Variants in XG observed in about 807,000 individuals in gnomAD.
XG encodes the protein glycoprotein Xg.
Under a neutral mutation model 25.7 loss-of-function variants are expected in XG, and 24 were observed. That is an observed-to-expected ratio of 0.93 (90% CI 0.68 to 1.31). The LOEUF (loss-of-function observed/expected upper bound fraction) is 1.31. Among genes scored for constraint, XG ranks in the 40% most tolerant of loss-of-function variants. The pLI is 0.00. For synonymous variants in XG, 77 were observed against 69.2 expected, an observed-to-expected ratio of 1.11 and a Z score of -0.56; for missense variants, 181 against 187.6, an observed-to-expected ratio of 0.96 and a Z score of 0.21.
intron 1 of XG, among the ~76,000 whole-genome samples, chrX:2,759,626 A>T (rs1033432610): frequency 1.3e-5 from 2 of 152,192 alleles, no homozygotes; most frequent in Non-Finnish European, 2.9e-5. Context: ...CCTGAGTGTG[A>T]AGACATCTGG....
intron 1 of XG, among the ~76,000 whole-genome samples, chrX:2,760,830 G>A (rs1017093634): frequency 7.9e-5 from 12 of 151,292 alleles, no homozygotes; most frequent in East Asian, 1.9e-4. Flanking sequence ...ATAAAAAGAC[G>A]AGATGAAGAC....
chrX:2,770,016 TGGAGGG>T (rs1202419013), intron 1 of XG, among the ~76,000 whole-genome samples: 2 of 45,602 alleles, frequency 4.4e-5, no homozygotes, highest in Non-Finnish European at 8.6e-5. Context: ...TGTGCGTGTG[TGGAGGG>T]GTGGGGGGGG....
chrX:2,757,998 GA>G (rs1330082010), intron 1 of XG, among the ~76,000 whole-genome samples: 4 of 133,494 alleles, frequency 3.0e-5, no homozygotes, highest in South Asian at 2.6e-4. Flanking sequence ...AAAAAAAAAG[GA>G]AAAAAAAGTT....
intron 5 of XG, 81 bp from the exon 6 acceptor site, chrX:2,794,454 C>T (rs941892670): frequency 3.7e-5 from 39 of 1,050,071 alleles, no homozygotes; most frequent in Non-Finnish European, 4.9e-5. Flanking sequence ...AAAACCTGTG[C>T]CAGTGCCCCC....
Position 2,778,866 on chromosome X carries a change from C to T in XG, c.128-3200C>T, listed in dbSNP as rs150106022. 7.1e-3 allele frequency among the ~76,000 whole-genome samples: 1,073 copies of T among 151,984 alleles called. 10 individuals are homozygous for T. Among genetic ancestry groups the T allele is most frequent in the African/African-American group, 0.022 (916 of 41,458 alleles). Reference sequence around the variant, plus strand: ...TCACCTCCCCGCAAACTTCTCCTCCCGGGTTCAAGTAATTCTCGTGCCTCA... The same window carrying T: ...TCACCTCCCCGCAAACTTCTCCTCCTGGGTTCAAGTAATTCTCGTGCCTCA... On this transcript the variant is annotated intron_variant, in intron 3 of 10. Transcript: ENST00000644266.
chrX:2,797,432 C>A, intron 7 of XG, 72 bp downstream of exon 7: 1 of 1,117,500 alleles, frequency 8.9e-7, no homozygotes, highest in Non-Finnish European at 1.2e-6. Context: ...CTCCCGCTTG[C>A]ACTCTGCCCT....
intron 1 of XG, among the ~76,000 whole-genome samples, chrX:2,757,267 G>A (rs1247417681): frequency 6.6e-6 from 1 of 151,988 alleles, no homozygotes; most frequent in Non-Finnish European, 1.5e-5. Context: ...TCTGCACATG[G>A]GGTCTGGGGT....
At position 2,808,238 on chromosome X, in the gene XG, C is replaced by G. The variant is rs748139524; in HGVS notation, c.454+18C>G. Reference sequence around the variant, plus strand: ...TCCAGAAGGTAACTGATTGACTCACCCGGTCCCAACCTTTAATAAGAGCAC... The same window carrying G: ...TCCAGAAGGTAACTGATTGACTCACGCGGTCCCAACCTTTAATAAGAGCAC... On this transcript the variant is annotated intron_variant, in intron 9 of 10. Transcript: ENST00000644266. 4 of 1,209,186 alleles carry G rather than the reference C, an allele frequency of 3.3e-6. No individual in the cohort carries two copies. The South Asian group carries it at 5.3e-5, about 16-fold the overall frequency.
intron 4 of XG, 49 bp from the exon 5 acceptor site, chrX:2,789,593 ACC>A: frequency 1.2e-6 from 1 of 854,309 alleles, no homozygotes; most frequent in Non-Finnish European, 1.7e-6. Context: ...GATGGTATCT[ACC>A]TGAAAGATGT....
At chrX:2,807,786 G>C (rs2087016712) in intron 8 of XG, among the ~76,000 whole-genome samples, 1 of 112,390 alleles carries the variant, frequency 8.9e-6, no homozygotes, top group Non-Finnish European at 1.9e-5. Context: ...CATGCTGCAT[G>C]TGTGTATGCA....
At chrX:2,807,768 G>A (rs748113924) in intron 8 of XG, among the ~76,000 whole-genome samples, 7 of 112,281 alleles carry the variant, frequency 6.2e-5, no homozygotes, top group Middle Eastern at 4.6e-3. Context: ...TGTGTTGCAC[G>A]TTTGTTGCAT....
At chrX:2,770,683 G>C (rs2050798653) in intron 2 of XG, 92 bp downstream of exon 2, 1 of 1,517,102 alleles carries the variant, frequency 6.6e-7, no homozygotes, top group Non-Finnish European at 9.2e-7. Flanking sequence ...GATTGGGCCA[G>C]TGTTGGGAAT....
chrX:2,806,590 C>A, intron 7 of XG, 111 bp from the exon 8 acceptor site: 1 of 668,477 alleles, frequency 1.5e-6, no homozygotes, highest in Non-Finnish European at 2.3e-6. Flanking sequence ...GGAATCTCTG[C>A]AGCTTTTAAG....
rs191695626 is a variant in XG at position 2,766,382 on chromosome X, G to A, written c.62-4168G>A. Reference sequence around the variant, plus strand: ...TCTCGATCTCTTGACCTTGTGATCTGCCCTCCTCGGCCTCCCAAAGTGCTG... The same window carrying A: ...TCTCGATCTCTTGACCTTGTGATCTACCCTCCTCGGCCTCCCAAAGTGCTG... On this transcript the variant is annotated intron_variant, in intron 1 of 10. Transcript: ENST00000644266. Among the ~76,000 whole-genome samples the A allele has an allele frequency of 3.8e-3, 572 of 151,898 alleles. 3 individuals are homozygous for A. Among genetic ancestry groups the A allele is most frequent in the African/African-American group, 0.013 (533 of 41,448 alleles).
intron 4 of XG, among the ~76,000 whole-genome samples, chrX:2,788,245 C>T (rs2086803712): frequency 1.8e-5 from 2 of 112,279 alleles, no homozygotes; most frequent in Admixed American, 1.9e-4. Flanking sequence ...CACTCTTGAG[C>T]CAATGTGGAT....
chrX:2,775,921 A>C (rs2050972154), intron 3 of XG, among the ~76,000 whole-genome samples: 1 of 147,460 alleles, frequency 6.8e-6, no homozygotes, highest in African/African-American at 2.5e-5. Flanking sequence ...ATGCCACTGC[A>C]CTCCAACCTG....
intron 1 of XG, among the ~76,000 whole-genome samples, chrX:2,759,955 T>TCTGCATGTGGC (rs11271325): frequency 0.33 from 50,013 of 152,020 alleles, 10,480 homozygotes; most frequent in African/African-American, 0.6. Context: ...TGCTTCAGAA[T>TCTGCATGTGGC]CAGATTCTGG....
At chrX:2,795,375 A>G (rs1204157008) in intron 6 of XG, among the ~76,000 whole-genome samples, 1 of 107,128 alleles carries the variant, frequency 9.3e-6, no homozygotes, top group Non-Finnish European at 1.9e-5. Context: ...ATATAATTAA[A>G]TATATGCCTT....
rs367723439 is a variant in XG at position 2,763,011 on chromosome X, C to T, written c.62-7539C>T. ...CAATATGTTTAGTTTCCTGTAAAGA[C>T]TAAAGATAACATCCTTTTTTGAGAT... On this transcript the variant is annotated intron_variant, in intron 1 of 10. Transcript: ENST00000644266. Among the ~76,000 whole-genome samples, 307 of 152,166 alleles carry T rather than the reference C, an allele frequency of 2.0e-3. 1 individual carries two copies. Among genetic ancestry groups the T allele is most frequent in the Non-Finnish European group, 3.6e-3 (244 of 68,032 alleles).
Sources: allele counts gnomAD v4.1 joint callset (sites outside exome capture counted in the v4.1 genomes callset), GRCh38; gene constraint gnomAD v4.1.1; transcripts MANE v1.5; gene names NCBI Gene and HGNC (gene_info 2026-07-23, HGNC 2026-07-21).